Variants in SHANK2 observed in about 807,000 individuals in gnomAD.
The protein encoded by SHANK2 is SH3 and multiple ankyrin repeat domains protein 2.
SHANK2 carries 43 observed loss-of-function variants against 133.7 expected under a neutral mutation model. That is an observed-to-expected ratio of 0.32 (90% confidence interval 0.25 to 0.41). The LOEUF (loss-of-function observed/expected upper bound fraction) is 0.41, where lower values mean the gene tolerates loss of function less well. Among genes scored for constraint, SHANK2 ranks in the 10% least tolerant of loss-of-function variants. The pLI, the probability that SHANK2 is intolerant of heterozygous loss-of-function variation, is 1.00. For missense variants in SHANK2, 1,994 were observed against 2,235.8 expected (o/e 0.89, Z 2.18); for synonymous variants, 1,017 against 952.8 (o/e 1.07, Z -1.24).
intron 14 of SHANK2, among the ~76,000 whole-genome samples, chr11:70,758,381 G>T (rs1420126733): frequency 6.6e-6 from 1 of 152,214 alleles, no homozygotes; most frequent in Non-Finnish European, 1.5e-5. Flanking sequence ...ACCCGCCGTT[G>T]ACTTCCACCC....
At chr11:70,834,360 G>A (rs1304787223) in intron 11 of SHANK2, among the ~76,000 whole-genome samples, 1 of 152,198 alleles carries the variant, frequency 6.6e-6, no homozygotes, top group Non-Finnish European at 1.5e-5. Flanking sequence ...AGGCCCATGG[G>A]GAGCCGAAAA....
intron 14 of SHANK2, among the ~76,000 whole-genome samples, chr11:70,772,354 C>T (rs767674919): frequency 1.3e-4 from 19 of 151,518 alleles, no homozygotes; most frequent in Non-Finnish European, 2.4e-4. Flanking sequence ...GCAGGAGAAT[C>T]GCTTGAACCC....
At chr11:70,814,638 C>T (rs1052685468) in intron 12 of SHANK2, among the ~76,000 whole-genome samples, 1 of 152,250 alleles carries the variant, frequency 6.6e-6, no homozygotes, top group Non-Finnish European at 1.5e-5. Flanking sequence ...CTTCCCAGAG[C>T]CCCACTGGGT....
chr11:70,698,476 T>C (rs1429274416), intron 15 of SHANK2, among the ~76,000 whole-genome samples: 1 of 152,228 alleles, frequency 6.6e-6, no homozygotes, highest in Non-Finnish European at 1.5e-5. Context: ...ACAGGTGTGC[T>C]CTGGCTGGAC....
chr11:70,649,084 G>T (rs1282437813), intron 17 of SHANK2, among the ~76,000 whole-genome samples: 1 of 152,146 alleles, frequency 6.6e-6, no homozygotes, highest in African/African-American at 2.4e-5. Context: ...CAATGGCGAC[G>T]TTCATCTCCT....
chr11:70,761,295 T>A (rs1555040162), intron 14 of SHANK2, among the ~76,000 whole-genome samples: 1 of 152,092 alleles, frequency 6.6e-6, no homozygotes, highest in Non-Finnish European at 1.5e-5. Flanking sequence ...CCAGTCTTTT[T>A]CTCCCTTGGC....
chr11:70,708,458 G>C (rs1174286446), intron 14 of SHANK2, among the ~76,000 whole-genome samples: 7 of 152,144 alleles, frequency 4.6e-5, no homozygotes, highest in Non-Finnish European at 8.8e-5. Context: ...TTTCCAATCA[G>C]TCCCCGCACT....
At chr11:71,155,748 C>A (rs1186194085) in intron 2 of SHANK2, among the ~76,000 whole-genome samples, 2 of 150,136 alleles carry the variant, frequency 1.3e-5, no homozygotes, top group African/African-American at 4.9e-5. Context: ...CGTGGCCACA[C>A]AAAACCACGT....
chr11:71,073,147 C>CTTTTTTTTTTTTT (rs1156355131), intron 9 of SHANK2, among the ~76,000 whole-genome samples: 1,217 of 62,584 alleles, frequency 0.019, 406 homozygotes, highest in Middle Eastern at 0.044. Flanking sequence ...TTTTTCTTTT[C>CTTTTTTTTTTTTT]TTTTTTTTCT....
chr11:70,910,920 G>A (rs1055946002), intron 10 of SHANK2: 1 of 453,808 alleles, frequency 2.2e-6, no homozygotes, highest in South Asian at 1.6e-5. Flanking sequence ...GTGTGCGCGT[G>A]CATGTGCACA....
intron 15 of SHANK2, among the ~76,000 whole-genome samples, chr11:70,683,832 G>T (rs1365243178): frequency 3.3e-5 from 5 of 151,346 alleles, no homozygotes; most frequent in African/African-American, 4.9e-5. Flanking sequence ...TGCCCAGGCT[G>T]GAGTGCAGTG....
chr11:70,711,926 G>A (rs1170378006), intron 14 of SHANK2, among the ~76,000 whole-genome samples: 1 of 152,206 alleles, frequency 6.6e-6, no homozygotes, highest in African/African-American at 2.4e-5. Flanking sequence ...GACCTCGTGG[G>A]GATGGTGGCC....
At chr11:71,142,229 T>TG (rs1327684564) in intron 3 of SHANK2, among the ~76,000 whole-genome samples, 3 of 152,170 alleles carry the variant, frequency 2.0e-5, no homozygotes, top group Non-Finnish European at 4.4e-5. Context: ...CCGGGCGCGG[T>TG]GGCTCACGCC....
At chr11:70,628,738 G>C (rs1254914802) in intron 17 of SHANK2, among the ~76,000 whole-genome samples, 1 of 152,220 alleles carries the variant, frequency 6.6e-6, no homozygotes. Flanking sequence ...CCGCCTCTGG[G>C]TGGTGAGGGG....
At chr11:70,920,435 G>A (rs1207005519) in intron 10 of SHANK2, among the ~76,000 whole-genome samples, 1 of 152,178 alleles carries the variant, frequency 6.6e-6, no homozygotes, top group African/African-American at 2.4e-5. Flanking sequence ...AGAGACAAGA[G>A]TGGAAAGGAG....
At position 70,830,088 on chromosome 11, in the gene SHANK2, C is replaced by T. The variant is rs1948704392; in HGVS notation, c.1175-9406G>A. ...GGGTGCAGACCACTTCCTCATTTGC[C>T]AAGAAGTCTGGCGCTGAAGGCACAG... On this transcript the variant is annotated intron_variant, in intron 11 of 25. Transcript: ENST00000601538. This position sits in a 1 kb window ranked among gnomAD's most constrained non-coding sequence, Gnocchi z 4.4. Among the ~76,000 whole-genome samples the T allele has an allele frequency of 6.6e-6, 1 of 152,190 alleles. No individual in the cohort carries two copies. Among genetic ancestry groups the T allele is most frequent in the South Asian group, 2.1e-4 (1 of 4,828 alleles).
At chr11:70,906,189 A>C (rs979483834) in intron 10 of SHANK2, among the ~76,000 whole-genome samples, 1 of 152,210 alleles carries the variant, frequency 6.6e-6, no homozygotes, top group Non-Finnish European at 1.5e-5. Context: ...GGCCAGCCCC[A>C]GGCTCCGACA....
chr11:70,676,210 C>A (rs900333105), intron 15 of SHANK2, among the ~76,000 whole-genome samples: 2 of 152,260 alleles, frequency 1.3e-5, no homozygotes, highest in African/African-American at 4.8e-5. Context: ...CTCTGGCACT[C>A]TTCCCAGCTT....
At chr11:70,689,096 A>G (rs1157330624) in intron 15 of SHANK2, among the ~76,000 whole-genome samples, 2 of 152,140 alleles carry the variant, frequency 1.3e-5, no homozygotes, top group African/African-American at 4.8e-5. Flanking sequence ...ATCTGCCCAT[A>G]CCTGGCTGGC....
Sources: allele counts gnomAD v4.1 joint callset (sites outside exome capture counted in the v4.1 genomes callset), GRCh38; gene constraint gnomAD v4.1.1; non-coding constraint Gnocchi (gnomAD v3.1); transcripts MANE v1.5; gene names NCBI Gene and HGNC (gene_info 2026-07-23, HGNC 2026-07-21).